Variants in C20orf96 observed in about 807,000 individuals in gnomAD.
C20orf96 encodes the protein chromosome 20 open reading frame 96.
In C20orf96, 57 loss-of-function variants were observed where a neutral mutation model predicts 52.6. The ratio of observed to expected loss-of-function variants is 1.08; its 90% CI spans 0.88 to 1.35. The LOEUF (loss-of-function observed/expected upper bound fraction) is 1.35, where lower values mean the gene tolerates loss of function less well. C20orf96 is among the 40% of genes most tolerant of loss of function. The pLI, the probability that C20orf96 is intolerant of heterozygous loss-of-function variation, is 0.00. For missense variants in C20orf96, 478 were observed against 443.6 expected (o/e 1.08, Z -0.70); for synonymous variants, 168 against 157.2 (o/e 1.07, Z -0.51).
intron 1 of C20orf96, 104 bp from the exon 2 acceptor site, chr20:290,411 T>C: frequency 6.4e-7 from 1 of 1,559,020 alleles, no homozygotes; most frequent in Non-Finnish European, 8.7e-7. Context: ...AAACTGCAGT[T>C]TACCGGGGAC....
rs776142813 is a variant in C20orf96, at chr20:271,245, T to C, written c.1054A>G (p.Ile352Val). The C allele has an allele frequency of 6.4e-7, 1 of 1,556,372 alleles. No individual in the cohort carries two copies. Among genetic ancestry groups the C allele is most frequent in the South Asian group, 1.2e-5 (1 of 84,198 alleles). ...GGCTCTTCCACAGGAATGTTGAGGA[T>C]GACATCCATGTCTGGGGTGCACCTG... is the stretch of plus-strand genomic sequence containing the variant. ...RPKCTPDMDV[I>V]LNIPVEEPLP... Residue 352 changes from isoleucine (I) to valine (V), a missense_variant, in exon 11 of 11, where the codon ATC becomes GTC. Transcript: ENST00000360321.
chr20:286,717 T>G (rs2012396872), intron 3 of C20orf96, among the ~76,000 whole-genome samples: 1 of 152,128 alleles, frequency 6.6e-6, no homozygotes, highest in Non-Finnish European at 1.5e-5. Flanking sequence ...ACCAGGATAT[T>G]GACATTAAGA....
chr20:278,021 C>A (rs2012086138), intron 6 of C20orf96, among the ~76,000 whole-genome samples: 1 of 152,202 alleles, frequency 6.6e-6, no homozygotes, highest in Admixed American at 6.5e-5. Context: ...CAAGCTACTG[C>A]ACCTCTCTTA....
chr20:288,178 T>TTC (rs1005230485), intron 3 of C20orf96, among the ~76,000 whole-genome samples: 1 of 139,384 alleles, frequency 7.2e-6, no homozygotes, highest in Non-Finnish European at 1.6e-5. Flanking sequence ...CTTTTTCTTT[T>TTC]TTTTTTTTTT....
At chr20:274,799 CTTTT>C (rs901356379) in intron 10 of C20orf96, among the ~76,000 whole-genome samples, 16 of 149,586 alleles carry the variant, frequency 1.1e-4, no homozygotes, top group Admixed American at 4.0e-4. Context: ...CAGTTGCTTT[CTTTT>C]TTCTTTTTTT....
rs750461479 is a variant in C20orf96, at chr20:290,563, ATTTTTTTT to A, written c.20+20_20+27del. On this transcript the variant is annotated intron_variant, in intron 1 of 10. Transcript: ENST00000360321. ...GCATGCGTATTCCGCCTTTCTTCCA[ATTTTTTTT>A]TTTTTTTTTTTTTACCTACTTTTGT... is the stretch of plus-strand genomic sequence containing the variant. 1.5e-6 allele frequency: 2 copies of A among 1,309,610 alleles called. No homozygotes were observed. Among genetic ancestry groups the A allele is most frequent in the African/African-American group, 2.0e-5 (1 of 49,880 alleles). 81.1% of individuals were successfully genotyped at this position (1,309,610 alleles called of 1,614,324 possible). A position where few individuals can be genotyped will look rare whatever the true frequency, so the allele number is the denominator to read the frequency against.
intron 3 of C20orf96, among the ~76,000 whole-genome samples, chr20:287,200 G>A (rs533488729): frequency 3.9e-4 from 59 of 152,274 alleles, no homozygotes; most frequent in African/African-American, 1.4e-3. Flanking sequence ...CTGCTGGGTC[G>A]GATTACTAGG....
At chr20:276,973 G>T (rs2012046271) in intron 8 of C20orf96, 71 bp downstream of exon 8, 2 of 1,596,894 alleles carry the variant, frequency 1.3e-6, no homozygotes. Context: ...CCTGGAGGCA[G>T]AGGATGGGGA....
chr20:286,649 C>T (rs1376894434), intron 3 of C20orf96, among the ~76,000 whole-genome samples: 3 of 151,990 alleles, frequency 2.0e-5, no homozygotes, highest in Non-Finnish European at 1.5e-5. Context: ...AGTCTATGTA[C>T]CCTTTACCCA....
rs149046407 is a variant in C20orf96, at chr20:272,502, C to T, written c.1032-1235G>A. 2.5e-3 allele frequency among the ~76,000 whole-genome samples: 387 copies of T among 152,290 alleles called. 5 individuals carry two copies. The highest frequency in any genetic ancestry group is 8.1e-3 in the African/African-American group (336 of 41,562). On this transcript the variant is annotated intron_variant, in intron 10 of 10. Transcript: ENST00000360321. The stretch of plus-strand genomic sequence containing the variant: ...TCCCAAATAGCTGGGACCACAGGCA[C>T]GTGCCACCACATCTGGCTAATTTTT...
In C20orf96 at chr20:277,283, C is replaced by T; in HGVS notation, c.666G>A (p.Lys222=). 1 of 1,614,130 alleles carries T rather than the reference C, an allele frequency of 6.2e-7. No individual in the cohort carries two copies. Among genetic ancestry groups the T allele is most frequent in the Non-Finnish European group, 8.5e-7 (1 of 1,180,022 alleles). ...STYMDHEYSI[K]SVQISTLMRQ... ...GCATAAGAGTGGAGATCTGGACAGA[C>T]TTGATGGAATACTCATGGTCCATGT... Residue 222 remains lysine, a synonymous_variant, in exon 7 of 11, where the codon AAG becomes AAA. Transcript: ENST00000360321.
chr20:290,144 G>A lies in C20orf96; in HGVS notation c.69+115C>T, dbSNP rs545478206. ...AGCAAAGTGTGACCCGGCTGGGACT[G>A]GAATTCGGGTCTCCAGCCTATATCC... On this transcript the variant is annotated intron_variant, in intron 2 of 10. Transcript: ENST00000360321. The A allele has an allele frequency of 5.3e-5, 41 of 771,590 alleles. No individual in the cohort carries two copies. The African/African-American group carries it at 6.8e-4, about 13-fold the overall frequency. 47.8% of individuals were successfully genotyped at this position (771,590 alleles called of 1,614,324 possible). A position where few individuals can be genotyped will look rare whatever the true frequency, so the allele number is the denominator to read the frequency against.
intron 5 of C20orf96, 90 bp from the exon 6 acceptor site, chr20:278,519 C>CAA: frequency 1.1e-6 from 1 of 883,386 alleles, no homozygotes; most frequent in Non-Finnish European, 1.9e-6. Context: ...TCCCCAGTCC[C>CAA]AACCTCACTC....
At chr20:275,168 C>T (rs1384513967) in intron 10 of C20orf96, among the ~76,000 whole-genome samples, 2 of 152,204 alleles carry the variant, frequency 1.3e-5, no homozygotes, top group Non-Finnish European at 2.9e-5. Flanking sequence ...GCTCTGGGCT[C>T]TGCTGCAACT....
At chr20:277,571 G>A (rs982564022) in intron 6 of C20orf96, among the ~76,000 whole-genome samples, 188 bp from the exon 7 acceptor site, 2 of 152,108 alleles carry the variant, frequency 1.3e-5, no homozygotes, top group Non-Finnish European at 2.9e-5. Context: ...CCCTGCAGGA[G>A]AAGAGGCAAT....
chr20:279,368 C>G (rs1473994645), intron 4 of C20orf96, 38 bp from the exon 5 acceptor site: 1 of 1,580,702 alleles, frequency 6.3e-7, no homozygotes, highest in Non-Finnish European at 8.5e-7. Flanking sequence ...CGGCGCTGCG[C>G]CCTGCCCGGC....
intron 4 of C20orf96, among the ~76,000 whole-genome samples, chr20:279,534 G>A (rs1436331805): frequency 1.3e-5 from 2 of 152,154 alleles, no homozygotes; most frequent in African/African-American, 4.8e-5. Context: ...GGAAACGCAC[G>A]TGTACCCATC....
rs747988519 is a variant in C20orf96 at position 278,340 on chromosome 20, G to T, written c.555C>A (p.Cys185Ter). 6.2e-7 allele frequency: 1 copy of T among 1,613,306 alleles called. No individual in the cohort carries two copies. Among genetic ancestry groups the T allele is most frequent in the South Asian group, 1.1e-5 (1 of 91,070 alleles). The stretch of plus-strand genomic sequence containing the variant: ...GCCAGGGATTCTTACAGCTCATCTT[G>T]CATTTCTTCTTTTCTTCCCACTCCT... ...ELQEWEEKKK[C>*]KMSYLEQQAE... The change falls in exon 6 of 11, where the codon TGC becomes TGA. Residue 185 changes from cysteine to a stop codon, truncating the protein, a stop_gained. Transcript: ENST00000360321. LOFTEE classifies it high-confidence loss of function.
chr20:275,263 C>T (rs1311959186), intron 10 of C20orf96, among the ~76,000 whole-genome samples: 5 of 152,126 alleles, frequency 3.3e-5, no homozygotes, highest in African/African-American at 9.7e-5. Context: ...TGTTCTCATT[C>T]ACATGGTGCC....
Sources: gnomAD v4.1 joint callset for allele counts (sites outside exome capture counted in the v4.1 genomes callset) on GRCh38, gnomAD v4.1.1 for gene constraint, MANE v1.5 for transcripts, NCBI Gene and HGNC (gene_info 2026-07-23, HGNC 2026-07-21) for gene names.